DYTN: variants seen among roughly 807,000 people sequenced by gnomAD.
DYTN encodes the protein dystrotelin.
A neutral mutation model predicts 69.6 loss-of-function variants in DYTN; 75 were observed. The ratio of observed to expected loss-of-function variants is 1.08; its 90% CI spans 0.89 to 1.31. DYTN has a LOEUF of 1.31. Ranked by LOEUF, DYTN falls within the 50% of genes most tolerant of loss-of-function variation. The probability of loss-of-function intolerance (pLI) is 0.00; values close to 1 mark genes in which losing one functional copy is unlikely to be tolerated. For missense variants in DYTN, 726 were observed against 688.4 expected (o/e 1.05, Z -0.61); for synonymous variants, 252 against 249.1 (o/e 1.01, Z -0.11).
intron 10 of DYTN, among the ~76,000 whole-genome samples, chr2:206,665,617 G>A (rs888343321): frequency 2.6e-5 from 4 of 152,080 alleles, no homozygotes; most frequent in South Asian, 2.1e-4. Flanking sequence ...TTAAAAAACC[G>A]ACGCTATAAA....
intron 11 of DYTN, among the ~76,000 whole-genome samples, chr2:206,661,455 G>A (rs1381286929): frequency 1.3e-5 from 2 of 152,090 alleles, no homozygotes; most frequent in African/African-American, 4.8e-5. Flanking sequence ...GAACAATACA[G>A]GTTTGAACTG....
At chr2:206,714,139 C>T (rs1291844810) in intron 1 of DYTN, among the ~76,000 whole-genome samples, 2 of 152,182 alleles carry the variant, frequency 1.3e-5, no homozygotes, top group Admixed American at 1.3e-4. Context: ...TCTTGTAAGT[C>T]TAAGCTATTT....
Position 206,707,588 on chromosome 2 carries a change from A to G in DYTN, c.95-85T>C, listed in dbSNP as rs535205790. On this transcript the variant is annotated intron_variant, in intron 2 of 11. Coordinates refer to ENST00000452335, the MANE Select transcript of DYTN (RefSeq NM_001093730.1). ...TAAAGCAAATGTCATTTGGTGTTTT[A>G]TAATTAAGACTTTTTATGGTCGCTA... 3.7e-6 allele frequency: 5 copies of G among 1,362,472 alleles called. No individual in the cohort carries two copies. The African/African-American group carries it at 5.9e-5, about 16-fold the overall frequency. 84.4% of individuals were successfully genotyped at this position (1,362,472 alleles called of 1,614,324 possible). A position where few individuals can be genotyped will look rare whatever the true frequency, so the allele number is the denominator to read the frequency against.
intron 9 of DYTN, among the ~76,000 whole-genome samples, chr2:206,675,232 T>C (rs1468662357): frequency 2.7e-5 from 4 of 146,772 alleles, no homozygotes; most frequent in Non-Finnish European, 4.5e-5. Context: ...TAAATATATA[T>C]GTATATATGT....
chr2:206,661,070 A>T (rs903326370), intron 11 of DYTN, among the ~76,000 whole-genome samples: 1 of 152,152 alleles, frequency 6.6e-6, no homozygotes, highest in African/African-American at 2.4e-5. Flanking sequence ...AAAAAGAAAA[A>T]ATTTGGACAT....
rs895423124 is a variant in DYTN at position 206,651,629 on chromosome 2, C to T, written c.*189G>A. ...TTCATCCTCTACTCGCCCTGCTAAC[C>T]CCCAACCTTCACTCTGAACTGCAGA... On this transcript the variant is annotated 3_prime_UTR_variant, in exon 12 of 12. Transcript: ENST00000452335. The T allele has an allele frequency of 9.2e-6, 5 of 546,002 alleles. No homozygotes were observed. Among genetic ancestry groups the T allele is most frequent in the Non-Finnish European group, 1.7e-5 (5 of 298,466 alleles). 33.8% of individuals were successfully genotyped at this position (546,002 alleles called of 1,614,324 possible). A position where few individuals can be genotyped will look rare whatever the true frequency, so the allele number is the denominator to read the frequency against.
intron 9 of DYTN, among the ~76,000 whole-genome samples, chr2:206,667,551 A>G (rs372891208): frequency 5.3e-5 from 8 of 152,294 alleles, no homozygotes; most frequent in African/African-American, 1.9e-4. Context: ...ATTACTACAG[A>G]GCCTGAAGAG....
intron 7 of DYTN, among the ~76,000 whole-genome samples, chr2:206,696,919 T>A (rs1388318517): frequency 2.0e-5 from 3 of 152,204 alleles, no homozygotes; most frequent in African/African-American, 7.2e-5. Flanking sequence ...TGAAGTTGGA[T>A]AAATGACTTA....
At chr2:206,665,819 A>G in intron 10 of DYTN, 51 bp downstream of exon 10, 1 of 1,589,334 alleles carries the variant, frequency 6.3e-7, no homozygotes, top group South Asian at 1.2e-5. Flanking sequence ...GAAGGACTCA[A>G]GGTTAGACTT....
intron 11 of DYTN, among the ~76,000 whole-genome samples, chr2:206,656,657 T>C (rs1699453100): frequency 6.6e-6 from 1 of 152,182 alleles, no homozygotes; most frequent in Non-Finnish European, 1.5e-5. Context: ...ATGAGGCTTA[T>C]ATAAAAATCT....
At chr2:206,694,567 C>T (rs1008212902) in intron 8 of DYTN, among the ~76,000 whole-genome samples, 199 bp downstream of exon 8, 15 of 152,124 alleles carry the variant, frequency 9.9e-5, no homozygotes, top group Non-Finnish European at 2.1e-4. Flanking sequence ...CAAAAACTTC[C>T]ACTGAGACAT....
At chr2:206,673,872 T>C (rs912285247) in intron 9 of DYTN, among the ~76,000 whole-genome samples, 28 of 152,348 alleles carry the variant, frequency 1.8e-4, no homozygotes, top group African/African-American at 5.5e-4. Context: ...AGAAAATTCA[T>C]GTTGCTCAGC....
chr2:206,675,145 G>GTATA (rs374365439), intron 9 of DYTN, among the ~76,000 whole-genome samples: 43 of 120,348 alleles, frequency 3.6e-4, no homozygotes, highest in South Asian at 5.2e-4. Context: ...GTGTGTGTGT[G>GTATA]TATATATGTG....
intron 9 of DYTN, among the ~76,000 whole-genome samples, chr2:206,670,713 G>A (rs1351171930): frequency 6.6e-6 from 1 of 152,152 alleles, no homozygotes; most frequent in Non-Finnish European, 1.5e-5. Context: ...CGTGTATGAT[G>A]ACGCAGATGT....
intron 9 of DYTN, among the ~76,000 whole-genome samples, chr2:206,676,984 A>T (rs34889176): frequency 0.42 from 63,907 of 151,956 alleles, 14,227 homozygotes; most frequent in African/African-American, 0.57. Flanking sequence ...ACTCGCTCTG[A>T]CACCCAGGCT....
At chr2:206,659,015 A>G (rs1699477957) in intron 11 of DYTN, among the ~76,000 whole-genome samples, 1 of 150,904 alleles carries the variant, frequency 6.6e-6, no homozygotes. Context: ...CAGCAGAGGC[A>G]AGGAACAGCT....
chr2:206,656,492 G>T (rs188635123), intron 11 of DYTN, among the ~76,000 whole-genome samples: 106 of 152,120 alleles, frequency 7.0e-4, no homozygotes, highest in Admixed American at 2.0e-3. Context: ...AATAATTATT[G>T]ATAGGGGAGG....
chr2:206,652,934 G>A (rs1403308793), intron 11 of DYTN, among the ~76,000 whole-genome samples: 2 of 152,132 alleles, frequency 1.3e-5, no homozygotes, highest in Admixed American at 6.5e-5. Context: ...TACATTATTT[G>A]TGTAATTAAT....
chr2:206,683,633 C>A (rs998709894), intron 9 of DYTN, among the ~76,000 whole-genome samples: 1 of 151,966 alleles, frequency 6.6e-6, no homozygotes, highest in African/African-American at 2.4e-5. Flanking sequence ...CATGAGCCAC[C>A]GCGCCCTGCC....
Sources: gnomAD v4.1 joint callset for allele counts (sites outside exome capture counted in the v4.1 genomes callset) on GRCh38, gnomAD v4.1.1 for gene constraint, MANE v1.5 for transcripts, NCBI Gene and HGNC (gene_info 2026-07-23, HGNC 2026-07-21) for gene names.